MMS22L: variants seen among roughly 807,000 people sequenced by gnomAD.
MMS22L encodes the protein protein MMS22-like.
Under a neutral mutation model 159.1 loss-of-function variants are expected in MMS22L, and 74 were observed. The observed-to-expected ratio is 0.47, with a 90% CI of 0.39 to 0.56. MMS22L has a LOEUF of 0.56. MMS22L is among the 20% of genes least tolerant of loss of function. The pLI is 0.00. For missense variants in MMS22L, 1,351 were observed against 1,422.1 expected (o/e 0.95, Z 0.80); for synonymous variants, 517 against 506.9 (o/e 1.02, Z -0.27).
intron 18 of MMS22L, among the ~76,000 whole-genome samples, chr6:97,177,445 C>T (rs751544372): frequency 6.6e-6 from 1 of 152,056 alleles, no homozygotes; most frequent in African/African-American, 2.4e-5. Flanking sequence ...GAAGTTCTAG[C>T]ATAATATTAT....
At chr6:97,208,153 C>T (rs1416947474) in intron 14 of MMS22L, among the ~76,000 whole-genome samples, 1 of 152,102 alleles carries the variant, frequency 6.6e-6, no homozygotes, top group African/African-American at 2.4e-5. Context: ...CCTTTATTCC[C>T]TTTATCACTC....
At chr6:97,251,821 C>T (rs566920160) in intron 10 of MMS22L, among the ~76,000 whole-genome samples, 25 of 152,262 alleles carry the variant, frequency 1.6e-4, no homozygotes, top group Middle Eastern at 6.8e-3. Context: ...CGGTGGCTCA[C>T]GCCTGTAATC....
intron 6 of MMS22L, chr6:97,270,487 TC>T (rs1199832925): frequency 3.2e-6 from 1 of 312,446 alleles, no homozygotes; most frequent in Non-Finnish European, 6.3e-6. Flanking sequence ...ACCTCTCAAT[TC>T]ATGTATTAGT....
At chr6:97,212,793 G>C (rs1388842159) in intron 14 of MMS22L, among the ~76,000 whole-genome samples, 1 of 152,138 alleles carries the variant, frequency 6.6e-6, no homozygotes. Context: ...CGAAATGACT[G>C]AAGTGAAAAT....
intron 14 of MMS22L, among the ~76,000 whole-genome samples, chr6:97,199,728 C>T (rs1433676642): frequency 6.6e-6 from 1 of 151,310 alleles, no homozygotes; most frequent in Non-Finnish European, 1.5e-5. Context: ...GATTTCAAAA[C>T]TCAGTCAAGT....
At chr6:97,213,080 G>GCTCT in intron 14 of MMS22L, among the ~76,000 whole-genome samples, 1 of 152,136 alleles carries the variant, frequency 6.6e-6, no homozygotes, top group African/African-American at 2.4e-5. Flanking sequence ...TGTAGACAGA[G>GCTCT]TAACATGTCT....
intron 21 of MMS22L, among the ~76,000 whole-genome samples, chr6:97,164,175 A>C (rs769310322): frequency 2.6e-5 from 4 of 151,944 alleles, no homozygotes; most frequent in Non-Finnish European, 4.4e-5. Flanking sequence ...CAGGATTGCC[A>C]AAGGATGGGC....
intron 4 of MMS22L, among the ~76,000 whole-genome samples, chr6:97,278,628 C>T (rs1211496362): frequency 2.0e-5 from 3 of 152,134 alleles, no homozygotes; most frequent in African/African-American, 7.2e-5. Context: ...TAGCTTAAGT[C>T]GGTTTTACCT....
intron 21 of MMS22L, among the ~76,000 whole-genome samples, chr6:97,163,587 T>C (rs1247490330): frequency 1.3e-5 from 2 of 152,122 alleles, no homozygotes; most frequent in Non-Finnish European, 2.9e-5. Context: ...GCATCTGTCA[T>C]TTAGTTTGTA....
At chr6:97,176,739 G>A (rs1804161264) in intron 18 of MMS22L, among the ~76,000 whole-genome samples, 1 of 152,154 alleles carries the variant, frequency 6.6e-6, no homozygotes, top group Non-Finnish European at 1.5e-5. Context: ...CTTGCTGAAA[G>A]AATTAAGCAT....
In MMS22L at chr6:97,231,493, G is replaced by A; in HGVS notation, c.1462C>T (p.Leu488=). Residue 488 remains leucine (L), a synonymous_variant, in exon 13 of 25, where the codon CTG becomes TTG. Transcript: ENST00000683635. ...SSSYTIFLCI[L]AKVVKKAMKS... is the part of the protein sequence containing the mutation. ...ATTGCTTTTTTAACAACTTTTGCCA[G>A]AATACAAAGAAAAATAGTATAACTA... 1 of 1,613,684 alleles carries A rather than the reference G, an allele frequency of 6.2e-7. No homozygotes were observed. Among genetic ancestry groups the A allele is most frequent in the South Asian group, 1.1e-5 (1 of 91,040 alleles).
intron 14 of MMS22L, among the ~76,000 whole-genome samples, chr6:97,194,001 T>A (rs943726409): frequency 1.3e-5 from 2 of 152,116 alleles, no homozygotes; most frequent in Non-Finnish European, 1.5e-5. Flanking sequence ...GACCTCGTGA[T>A]CTGCCCACCT....
intron 14 of MMS22L, among the ~76,000 whole-genome samples, chr6:97,191,033 T>C (rs759050429): frequency 7.9e-5 from 12 of 152,222 alleles, no homozygotes; most frequent in Non-Finnish European, 1.3e-4. Flanking sequence ...GATTCTTTCA[T>C]CTGACTGCTC....
chr6:97,222,416 T>C (rs563741069), intron 14 of MMS22L, among the ~76,000 whole-genome samples: 1 of 152,174 alleles, frequency 6.6e-6, no homozygotes, highest in South Asian at 2.1e-4. Context: ...AAAAAGGTAA[T>C]TATCGCTTCT....
Position 97,162,108 on chromosome 6 carries a change from C to T in MMS22L, c.3279G>A (p.Leu1093=). 1 of 1,611,762 alleles carries T rather than the reference C, an allele frequency of 6.2e-7. No homozygotes were observed. The highest frequency in any genetic ancestry group is 8.5e-7 in the Non-Finnish European group (1 of 1,178,926). The part of the protein sequence containing the change: ...SSPPPRLASI[L]AFILQLFKET... ...CCTTGAAGAGTTGGAGGATGAAGGC[C>T]AGAATGGATGCTAAGCGAGGAGGAG... Residue 1093 remains leucine, a synonymous_variant, in exon 22 of 25, where the codon CTG becomes CTA. Coordinates refer to ENST00000683635, the MANE Select transcript of MMS22L (RefSeq NM_001350599.2).
chr6:97,257,818 C>T (rs1438104971), intron 9 of MMS22L, among the ~76,000 whole-genome samples: 1 of 152,074 alleles, frequency 6.6e-6, no homozygotes, highest in Admixed American at 6.5e-5. Flanking sequence ...TAAGGTAGTA[C>T]CTGCCACATT....
At chr6:97,210,050 T>C (rs1437640952) in intron 14 of MMS22L, among the ~76,000 whole-genome samples, 1 of 151,888 alleles carries the variant, frequency 6.6e-6, no homozygotes, top group Non-Finnish European at 1.5e-5. Context: ...AGTAATCTAA[T>C]CCAATCCTTT....
intron 4 of MMS22L, among the ~76,000 whole-genome samples, chr6:97,276,826 T>C (rs1449778206): frequency 6.6e-6 from 1 of 152,202 alleles, no homozygotes; most frequent in Non-Finnish European, 1.5e-5. Context: ...CAGCAGCTTG[T>C]ACATTCCTTT....
intron 14 of MMS22L, among the ~76,000 whole-genome samples, chr6:97,210,483 C>T (rs995684064): frequency 2.6e-5 from 4 of 151,898 alleles, no homozygotes; most frequent in African/African-American, 9.7e-5. Context: ...CTGACTCATT[C>T]TCCCACAATC....
Sources: allele counts gnomAD v4.1 joint callset (sites outside exome capture counted in the v4.1 genomes callset), GRCh38; gene constraint gnomAD v4.1.1; transcripts MANE v1.5; gene names NCBI Gene and HGNC (gene_info 2026-07-23, HGNC 2026-07-21).